RAPH1: variants seen among roughly 807,000 people sequenced by gnomAD.
RAPH1 encodes Ras association (RalGDS/AF-6) and pleckstrin homology domains 1, also known as ras-associated and pleckstrin homology domains-containing protein 1.
A neutral mutation model predicts 88.1 loss-of-function variants in RAPH1; 18 were observed. The ratio of observed to expected loss-of-function variants is 0.20; its 90% CI spans 0.14 to 0.30. RAPH1 has a LOEUF of 0.30. Among genes scored for constraint, RAPH1 ranks in the 10% least tolerant of loss-of-function variants. The pLI, the probability that RAPH1 is intolerant of heterozygous loss-of-function variation, is 1.00. For synonymous variants in RAPH1, 587 were observed against 559.0 expected (o/e 1.05, Z -0.71); for missense variants, 1,448 against 1,543.2 (o/e 0.94, Z 1.03).
chr2:203,442,045 G>A (rs1036124951), intron 13 of RAPH1: 13 of 1,586,490 alleles, frequency 8.2e-6, no homozygotes, highest in Non-Finnish European at 1.0e-5. Context: ...GTCCAGCAAT[G>A]CAGGTAAAGG....
At chr2:203,522,182 A>G (rs558279785) in intron 1 of RAPH1, among the ~76,000 whole-genome samples, 1 of 152,320 alleles carries the variant, frequency 6.6e-6, no homozygotes, top group South Asian at 2.1e-4. Flanking sequence ...ATAACAAAAG[A>G]TATCTGTTTT....
rs1391581596 is a variant in RAPH1 at position 203,489,999 on chromosome 2, C to G, written c.317G>C (p.Gly106Ala). The G allele has an allele frequency of 6.2e-7, 1 of 1,614,106 alleles. No individual in the cohort carries two copies. Among genetic ancestry groups the G allele is most frequent in the African/African-American group, 1.3e-5 (1 of 74,938 alleles). ...TTCTGTGATTTGACGCTTACTGTTT[C>G]CTGAACCAATGCTGCTGAGCTCCTG... ...IEQELSSIGS[G>A]NSKRQITETK... is the part of the protein sequence containing the mutation. The change falls in exon 4 of 14, where the codon GGA becomes GCA. Residue 106 changes from glycine (G) to alanine (A), a missense_variant. Gly to Ala is a moderately conservative substitution (Grantham distance 60). Around this residue, in one of 2 missense-constraint regions of RAPH1, gnomAD observed 513 missense variants for 653.1 expected, o/e 0.79. Coordinates refer to ENST00000319170, the MANE Select transcript of RAPH1 (RefSeq NM_213589.3).
chr2:203,475,364 G>A (rs528494963), intron 4 of RAPH1, among the ~76,000 whole-genome samples: 136 of 151,986 alleles, frequency 8.9e-4, no homozygotes, highest in African/African-American at 3.1e-3. Context: ...CCAAGATCGC[G>A]CCACTGCACT....
chr2:203,459,842 C>G, intron 7 of RAPH1, 65 bp downstream of exon 7: 3 of 1,509,928 alleles, frequency 2.0e-6, no homozygotes, highest in Non-Finnish European at 1.8e-6. Context: ...TCTAACTTAG[C>G]AGTAATCGAA....
At position 203,461,427 on chromosome 2, in the gene RAPH1, A is replaced by G. The variant is rs754507791; in HGVS notation, c.811-19T>C. The G allele has an allele frequency of 2.6e-6, 4 of 1,556,638 alleles. No homozygotes were observed. Among genetic ancestry groups the G allele is most frequent in the East Asian group, 2.3e-5 (1 of 42,646 alleles). On this transcript the variant is annotated intron_variant, in intron 5 of 13. Transcript: ENST00000319170. ...TCACCAGCTATAACAGGTAAAAAGA[A>G]AAGTAAATGAACACTAAAAAATGGC... is the stretch of plus-strand genomic sequence containing the variant.
chr2:203,505,719 A>G (rs1427781478), intron 1 of RAPH1, among the ~76,000 whole-genome samples: 1 of 152,190 alleles, frequency 6.6e-6, no homozygotes, highest in Non-Finnish European at 1.5e-5. Context: ...TGTGTTGTTT[A>G]TATTCCAGAT....
chr2:203,495,135 CT>C, intron 2 of RAPH1, 98 bp downstream of exon 2: 1 of 1,347,714 alleles, frequency 7.4e-7, no homozygotes, highest in Non-Finnish European at 1.0e-6. Flanking sequence ...TCTGGCAATA[CT>C]TTAAAATTTA....
Position 203,439,213 on chromosome 2 carries a change from A to G in RAPH1, c.*224T>C, listed in dbSNP as rs1337352745. The G allele has an allele frequency of 4.3e-6, 2 of 461,610 alleles. No individual in the cohort carries two copies. Among genetic ancestry groups the G allele is most frequent in the Admixed American group, 6.9e-5 (2 of 28,978 alleles). 28.6% of individuals were successfully genotyped at this position (461,610 alleles called of 1,614,324 possible). A position where few individuals can be genotyped will look rare whatever the true frequency, so the allele number is the denominator to read the frequency against. On this transcript the variant is annotated 3_prime_UTR_variant, in exon 14 of 14. Transcript: ENST00000319170. Reference sequence around the variant, plus strand: ...AAAAGGAATAAATAGAATAACTCTCAGCTCTCTCTCTATATACACATACAC... The same window carrying G: ...AAAAGGAATAAATAGAATAACTCTCGGCTCTCTCTCTATATACACATACAC...
chr2:203,440,567 G>A lies in RAPH1; in HGVS notation c.2623C>T (p.Pro875Ser), dbSNP rs977430786. 4.5e-6 allele frequency: 7 copies of A among 1,550,798 alleles called. No homozygotes were observed. Among genetic ancestry groups the A allele is most frequent in the African/African-American group, 2.7e-5 (2 of 72,824 alleles). ...AAGGGCTGAGATTCCATGGCAGGGGGAGTTGGAGGGGGTGGAAACTGGCTG... is the reference window on the plus strand; with the variant it reads ...AAGGGCTGAGATTCCATGGCAGGGGAAGTTGGAGGGGGTGGAAACTGGCTG... ...IASQFPPPPT[P>S]PAMESQPLKP... The change falls in exon 14 of 14, where the codon CCC becomes TCC. Residue 875 changes from proline to serine, a missense_variant. Pro to Ser is a moderately conservative substitution (Grantham distance 74, BLOSUM62 -1). Coordinates refer to ENST00000319170, the MANE Select transcript of RAPH1 (RefSeq NM_213589.3).
rs1330425450 is a variant in RAPH1 at position 203,437,522 on chromosome 2, C to G, written c.*1915G>C. The G allele has an allele frequency of 1.3e-5, 2 of 152,234 alleles. No homozygotes were observed. Among genetic ancestry groups the G allele is most frequent in the East Asian group, 3.8e-4 (2 of 5,204 alleles). The allele number at this position is 152,234 out of a possible 1,614,324, so 9.4% of individuals were successfully genotyped here. A position where few individuals can be genotyped will look rare whatever the true frequency, so the allele number is the denominator to read the frequency against. On this transcript the variant is annotated 3_prime_UTR_variant, in exon 14 of 14. Coordinates refer to ENST00000319170, the MANE Select transcript of RAPH1 (RefSeq NM_213589.3). ...AATGCAGATGTGTTAAAGATCACTT[C>G]ATAAATATCAAACACAAAACTTGGT...
intron 4 of RAPH1, among the ~76,000 whole-genome samples, chr2:203,486,175 G>C (rs899200251): frequency 6.8e-6 from 1 of 146,666 alleles, no homozygotes. Flanking sequence ...GCTTGAACCA[G>C]AGAGATTTAA....
rs1263130567 is a variant in RAPH1 at position 203,439,835 on chromosome 2, CCTT to C, written c.3352_3354del (p.Lys1118del). 2 of 1,613,530 alleles carry C rather than the reference CCTT, an allele frequency of 1.2e-6. No homozygotes were observed. Among genetic ancestry groups the C allele is most frequent in the African/African-American group, 2.7e-5 (2 of 74,746 alleles). The stretch of plus-strand genomic sequence containing the variant: ...CGTTTGGGTCGTGTGGGTGGAGGGG[CCTT>C]CTTCACTGACATTTTAGACCATTGT... On this transcript the variant is annotated inframe_deletion, in exon 14 of 14. Coordinates refer to ENST00000319170, the MANE Select transcript of RAPH1 (RefSeq NM_213589.3).
chr2:203,477,426 A>G (rs1687513661), intron 4 of RAPH1, among the ~76,000 whole-genome samples: 1 of 152,232 alleles, frequency 6.6e-6, no homozygotes, highest in Admixed American at 6.5e-5. Flanking sequence ...TTGTGCAGAA[A>G]CATTATGTCT....
At chr2:203,457,215 G>C (rs1381154334) in intron 8 of RAPH1, among the ~76,000 whole-genome samples, 1 of 151,762 alleles carries the variant, frequency 6.6e-6, no homozygotes, top group Non-Finnish European at 1.5e-5. Context: ...TTGAGACAGA[G>C]TCTCACCCTG....
chr2:203,442,135 AT>A, intron 13 of RAPH1: 1 of 1,523,260 alleles, frequency 6.6e-7, no homozygotes, highest in Non-Finnish European at 8.8e-7. Context: ...GACTGTAAAA[AT>A]ATCATACAGA....
intron 1 of RAPH1, among the ~76,000 whole-genome samples, chr2:203,534,230 G>A (rs1026604514): frequency 6.6e-6 from 1 of 152,138 alleles, no homozygotes; most frequent in Non-Finnish European, 1.5e-5. Context: ...GGAAGATTGA[G>A]TGAAGAACTT....
chr2:203,440,302 G>A lies in RAPH1; in HGVS notation c.2888C>T (p.Thr963Met), dbSNP rs774725094. Residue 963 changes from threonine (T) to methionine (M), a missense_variant, in exon 14 of 14, where the codon ACG (threonine) becomes ATG (methionine). This residue lies in a region of RAPH1 where 935 missense variants were observed against 890.1 expected (regional missense o/e 1.05). Transcript: ENST00000319170. ...SGSPGKKTSK[T>M]SSPGGKKPPP... ...TGGTTTCTTTCCCCCAGGGCTGGAC[G>A]TCTTACTGGTCTTTTTGCCTGGAGA... The A allele has an allele frequency of 4.8e-5, 77 of 1,613,086 alleles. No individual in the cohort carries two copies. The highest frequency in any genetic ancestry group is 6.2e-5 in the Non-Finnish European group (73 of 1,179,634).
chr2:203,446,295 C>T (rs1488149569), intron 12 of RAPH1: 1 of 152,176 alleles, frequency 6.6e-6, no homozygotes, highest in Non-Finnish European at 1.5e-5. Context: ...GTTTATGGAA[C>T]TTGGGGAGGA....
At chr2:203,452,725 A>G (rs1342202285) in intron 10 of RAPH1, among the ~76,000 whole-genome samples, 2 of 152,170 alleles carry the variant, frequency 1.3e-5, no homozygotes, top group Non-Finnish European at 2.9e-5. Context: ...ACTTCAGCAG[A>G]CTGAGGCAGG....
Sources: allele counts gnomAD v4.1 joint callset (sites outside exome capture counted in the v4.1 genomes callset), GRCh38; gene constraint gnomAD v4.1.1; regional missense constraint gnomAD v4.1.1; transcripts MANE v1.5; gene names NCBI Gene and HGNC (gene_info 2026-07-23, HGNC 2026-07-21).